The following ADCY8 variants were observed in gnomAD, a reference collection of about 807,000 sequenced individuals.
The protein encoded by ADCY8 is adenylate cyclase 8.
A neutral mutation model predicts 119.7 loss-of-function variants in ADCY8; 51 were observed. That is an observed-to-expected ratio of 0.43 (90% CI 0.34 to 0.54). ADCY8 has a LOEUF of 0.54. ADCY8 is among the 20% of genes least tolerant of loss of function. ADCY8 has a pLI of 0.03. For missense variants in ADCY8, 1,383 were observed against 1,598.8 expected (o/e 0.87, Z 2.30); for synonymous variants, 665 against 651.0 (o/e 1.02, Z -0.33).
At chr8:131,037,730 T>TA (rs937721474) in intron 1 of ADCY8, among the ~76,000 whole-genome samples, 2 of 151,752 alleles carry the variant, frequency 1.3e-5, no homozygotes, top group African/African-American at 4.8e-5. Flanking sequence ...CAAAGAAAAA[T>TA]AAAAAAGAGA....
intron 5 of ADCY8, among the ~76,000 whole-genome samples, chr8:130,922,474 T>C (rs936747416): frequency 6.6e-6 from 1 of 152,136 alleles, no homozygotes; most frequent in Non-Finnish European, 1.5e-5. Context: ...GCCCTTAATC[T>C]GTTTAACCCT....
chr8:130,939,528 A>T (rs1437567355), intron 4 of ADCY8, among the ~76,000 whole-genome samples: 2 of 152,130 alleles, frequency 1.3e-5, no homozygotes, highest in East Asian at 3.9e-4. Flanking sequence ...AGATGCATGG[A>T]TTGGCCTGTT....
At chr8:130,781,903 G>A (rs1291942226) in intron 17 of ADCY8, among the ~76,000 whole-genome samples, 1 of 152,174 alleles carries the variant, frequency 6.6e-6, no homozygotes, top group Non-Finnish European at 1.5e-5. Flanking sequence ...GCCAGGTACA[G>A]TCCTAGGCAT....
At chr8:130,815,347 G>T (rs185510) in intron 13 of ADCY8, among the ~76,000 whole-genome samples, 1 of 152,192 alleles carries the variant, frequency 6.6e-6, no homozygotes, top group African/African-American at 2.4e-5. Flanking sequence ...CGTAGTAACA[G>T]GTTTGGCACA....
intron 4 of ADCY8, among the ~76,000 whole-genome samples, chr8:130,939,930 G>A (rs548501872): frequency 6.6e-6 from 1 of 152,286 alleles, no homozygotes; most frequent in Non-Finnish European, 1.5e-5. Context: ...AGCTTCCTGT[G>A]CTACAGAGGA....
At chr8:130,850,355 C>T (rs12545999) in intron 9 of ADCY8, among the ~76,000 whole-genome samples, 45,711 of 151,906 alleles carry the variant, frequency 0.3, 6,943 homozygotes, top group African/African-American at 0.32. Flanking sequence ...GTTTACATCT[C>T]GAGTTTCAAA....
intron 7 of ADCY8, chr8:130,892,744 T>C (rs1292890197): frequency 6.6e-6 from 1 of 152,288 alleles, no homozygotes; most frequent in East Asian, 1.9e-4. Flanking sequence ...TGTGGGCAAG[T>C]GGTCCGCTGT....
chr8:130,951,969 C>A lies in ADCY8; in HGVS notation c.1140G>T (p.Arg380=). 1 of 1,613,984 alleles carries A rather than the reference C, an allele frequency of 6.2e-7. No homozygotes were observed. The highest frequency in any genetic ancestry group is 8.5e-7 in the Non-Finnish European group (1 of 1,179,980). The change falls in exon 3 of 18, where the codon CGG becomes CGT. Residue 380 remains arginine, a synonymous_variant. Transcript: ENST00000286355. ...CGTTGATCATTTCCAGGACAACAAA[C>A]CGGGGGAGCACAGAAAGCACGAGCC... The part of the protein sequence containing the change: ...QERLVLSVLP[R]FVVLEMINDM...
chr8:130,820,884 C>G (rs944039260), intron 13 of ADCY8, among the ~76,000 whole-genome samples: 1 of 152,172 alleles, frequency 6.6e-6, no homozygotes, highest in Admixed American at 6.5e-5. Flanking sequence ...TTAGGTATTA[C>G]TAATTTATTT....
chr8:130,798,511 C>G (rs1158769754), intron 15 of ADCY8, among the ~76,000 whole-genome samples: 1 of 152,056 alleles, frequency 6.6e-6, no homozygotes, highest in Non-Finnish European at 1.5e-5. Flanking sequence ...GCCAGGTGGC[C>G]TGCAGTAAGA....
intron 11 of ADCY8, among the ~76,000 whole-genome samples, chr8:130,841,027 CA>C (rs1464328721): frequency 6.6e-6 from 1 of 152,012 alleles, no homozygotes; most frequent in Admixed American, 6.5e-5. Flanking sequence ...CAGGAGAAGA[CA>C]AAAAACCCCT....
chr8:130,933,362 T>C (rs1017811767), intron 5 of ADCY8, among the ~76,000 whole-genome samples: 1 of 152,238 alleles, frequency 6.6e-6, no homozygotes, highest in African/African-American at 2.4e-5. Flanking sequence ...GATTATTAAC[T>C]TTTTGATAAA....
At chr8:130,922,765 C>G (rs1820355112) in intron 5 of ADCY8, among the ~76,000 whole-genome samples, 1 of 152,192 alleles carries the variant, frequency 6.6e-6, no homozygotes, top group Non-Finnish European at 1.5e-5. Context: ...GATAAATTCC[C>G]TTTCTTTAGG....
chr8:130,839,572 A>G (rs1817080621), intron 11 of ADCY8, among the ~76,000 whole-genome samples: 1 of 140,188 alleles, frequency 7.1e-6, no homozygotes, highest in Non-Finnish European at 1.6e-5. Flanking sequence ...CTTTGTGAAA[A>G]CATTTCTCTT....
At chr8:131,019,015 C>T (rs1823567151) in intron 1 of ADCY8, among the ~76,000 whole-genome samples, 1 of 152,146 alleles carries the variant, frequency 6.6e-6, no homozygotes, top group Non-Finnish European at 1.5e-5. Flanking sequence ...GAAATAATGA[C>T]ACTTTCATTT....
chr8:130,802,113 C>G (rs1815799482), intron 14 of ADCY8, among the ~76,000 whole-genome samples: 1 of 152,026 alleles, frequency 6.6e-6, no homozygotes, highest in Non-Finnish European at 1.5e-5. Context: ...TTGCCCTCAC[C>G]CTCCTCCAAT....
chr8:130,893,031 A>C (rs1819242994), intron 7 of ADCY8, among the ~76,000 whole-genome samples: 1 of 152,158 alleles, frequency 6.6e-6, no homozygotes, highest in African/African-American at 2.4e-5. Context: ...GAAGATTCTC[A>C]TCTCAGTTTG....
At chr8:131,011,375 T>G (rs912807231) in intron 1 of ADCY8, among the ~76,000 whole-genome samples, 3 of 152,120 alleles carry the variant, frequency 2.0e-5, no homozygotes, top group Non-Finnish European at 4.4e-5. Flanking sequence ...CTCTCCCCTC[T>G]TTATGTAGGG....
intron 5 of ADCY8, among the ~76,000 whole-genome samples, chr8:130,919,212 A>G (rs962144697): frequency 3.3e-5 from 5 of 152,220 alleles, no homozygotes; most frequent in Admixed American, 2.0e-4. Flanking sequence ...GTTTTTTAAC[A>G]TGGCCCAGAC....
Sources: allele counts gnomAD v4.1 joint callset (sites outside exome capture counted in the v4.1 genomes callset), GRCh38; gene constraint gnomAD v4.1.1; transcripts MANE v1.5; gene names NCBI Gene and HGNC (gene_info 2026-07-23, HGNC 2026-07-21).